Variants in SAMMSON observed in about 807,000 individuals in gnomAD.
The protein encoded by SAMMSON is long intergenic non-protein coding RNA 1212.
intron 4 of SAMMSON, among the ~76,000 whole-genome samples, chr3:70,164,233 G>T (rs1312836401): frequency 6.6e-6 from 1 of 151,992 alleles, no homozygotes; most frequent in African/African-American, 2.4e-5. Context: ...AACTAGCTGT[G>T]TCATTTGGAG....
chr3:70,352,562 T>G (rs774339503), intron 7 of SAMMSON, among the ~76,000 whole-genome samples: 1 of 152,126 alleles, frequency 6.6e-6, no homozygotes, highest in Non-Finnish European at 1.5e-5. Flanking sequence ...CTTGGAATGT[T>G]AGGAAGAAAT....
intron 7 of SAMMSON, among the ~76,000 whole-genome samples, chr3:70,297,356 A>T (rs954825041): frequency 2.6e-5 from 4 of 152,106 alleles, no homozygotes; most frequent in Non-Finnish European, 5.9e-5. Context: ...AGACCACAAA[A>T]AGAACTGGAT....
At chr3:69,999,947 C>T (rs970528663) in intron 1 of SAMMSON, 1 of 152,260 alleles carries the variant, frequency 6.6e-6, no homozygotes, top group African/African-American at 2.4e-5. Context: ...CCTCCCTTCT[C>T]GCTCCCCCAT....
At chr3:70,401,380 G>C (rs1701139350) in intron 2 of SAMMSON, among the ~76,000 whole-genome samples, 1 of 152,078 alleles carries the variant, frequency 6.6e-6, no homozygotes, top group Non-Finnish European at 1.5e-5. Context: ...TTTCAATTTA[G>C]GCCTCTACCT....
At chr3:70,102,293 A>T (rs372829904) in intron 4 of SAMMSON, among the ~76,000 whole-genome samples, 1 of 152,344 alleles carries the variant, frequency 6.6e-6, no homozygotes, top group South Asian at 2.1e-4. Context: ...CAGATGAAAT[A>T]TAACAAAGCC....
At chr3:70,230,430 C>G (rs1471245469) in intron 4 of SAMMSON, among the ~76,000 whole-genome samples, 4 of 152,078 alleles carry the variant, frequency 2.6e-5, no homozygotes, top group Non-Finnish European at 5.9e-5. Context: ...TTTTTGACCA[C>G]TAGAACTTTT....
intron 6 of SAMMSON, among the ~76,000 whole-genome samples, chr3:70,284,918 G>A (rs150166036): frequency 1.3e-5 from 2 of 152,062 alleles, no homozygotes; most frequent in African/African-American, 2.4e-5. Flanking sequence ...ACAAAAAAGA[G>A]TAAATGGCAT....
intron 4 of SAMMSON, chr3:70,126,102 T>A (rs201447148): frequency 1.6e-6 from 2 of 1,248,550 alleles, no homozygotes; most frequent in South Asian, 2.5e-5. Flanking sequence ...AAGCATTTAC[T>A]CTGTTTGTTA....
intron 7 of SAMMSON, among the ~76,000 whole-genome samples, chr3:70,343,436 T>G (rs1205072867): frequency 6.6e-6 from 1 of 152,134 alleles, no homozygotes; most frequent in Non-Finnish European, 1.5e-5. Flanking sequence ...ACTTTGACAA[T>G]TTCAAGGACT....
chr3:70,329,882 T>C (rs1257168944), intron 7 of SAMMSON, among the ~76,000 whole-genome samples: 1 of 152,040 alleles, frequency 6.6e-6, no homozygotes, highest in Non-Finnish European at 1.5e-5. Context: ...TTCATCTTTT[T>C]GTTTTGTAAA....
chr3:70,397,290 T>G (rs140018454), intron 2 of SAMMSON, among the ~76,000 whole-genome samples: 27 of 152,214 alleles, frequency 1.8e-4, no homozygotes, highest in African/African-American at 6.0e-4. Flanking sequence ...AGATTCTTCA[T>G]AGGTTCCTCA....
intron 3 of SAMMSON, among the ~76,000 whole-genome samples, chr3:70,062,918 C>T (rs1187807630): frequency 6.6e-6 from 1 of 152,004 alleles, no homozygotes; most frequent in African/African-American, 2.4e-5. Flanking sequence ...TTGGGTTGCC[C>T]ATATCTTCAG....
At chr3:70,394,940 C>A (rs1463287195) in intron 2 of SAMMSON, among the ~76,000 whole-genome samples, 1 of 152,092 alleles carries the variant, frequency 6.6e-6, no homozygotes, top group Non-Finnish European at 1.5e-5. Flanking sequence ...TAGTTTTTGT[C>A]CATTACTTTC....
At chr3:70,356,568 G>T (rs1229248595) in intron 8 of SAMMSON, among the ~76,000 whole-genome samples, 1 of 152,030 alleles carries the variant, frequency 6.6e-6, no homozygotes. Flanking sequence ...AGAGATGTCA[G>T]CTCCTTTCTC....
At chr3:70,342,649 C>G (rs1702719812) in intron 7 of SAMMSON, among the ~76,000 whole-genome samples, 1 of 152,134 alleles carries the variant, frequency 6.6e-6, no homozygotes, top group Admixed American at 6.5e-5. Context: ...AAGCATATAA[C>G]AGGGAGTTTA....
intron 4 of SAMMSON, among the ~76,000 whole-genome samples, chr3:70,223,994 C>G (rs9830919): frequency 0.022 from 3,404 of 152,094 alleles, 103 homozygotes; most frequent in African/African-American, 0.076. Context: ...TGGAAATATG[C>G]AAGACTGCAG....
At chr3:70,390,643 C>T (rs1701037691), downstream of SAMMSON, among the ~76,000 whole-genome samples, 1 of 152,040 alleles carries the variant, frequency 6.6e-6, no homozygotes, top group Non-Finnish European at 1.5e-5. Context: ...CAGCACTATG[C>T]CATGAGGGAT....
At chr3:70,359,927 G>A (rs991721537) in intron 9 of SAMMSON, among the ~76,000 whole-genome samples, 2 of 152,068 alleles carry the variant, frequency 1.3e-5, no homozygotes, top group Non-Finnish European at 1.5e-5. Flanking sequence ...AGTTGGTGGC[G>A]AATTGGTGCT....
chr3:70,376,097 T>A (rs926030136), intron 9 of SAMMSON, among the ~76,000 whole-genome samples: 1 of 152,174 alleles, frequency 6.6e-6, no homozygotes, highest in Non-Finnish European at 1.5e-5. Flanking sequence ...TTCCAATCTT[T>A]CATTTTCATA....
Sources: gnomAD v4.1 joint callset for allele counts (sites outside exome capture counted in the v4.1 genomes callset) on GRCh38, gnomAD v4.1.1 for gene constraint, MANE v1.5 for transcripts, NCBI Gene and HGNC (gene_info 2026-07-23, HGNC 2026-07-21) for gene names.